Variants in USP49 observed in about 807,000 individuals in gnomAD.
USP49 encodes the protein ubiquitin specific peptidase 49.
USP49 carries 24 observed loss-of-function variants against 58.6 expected under a neutral mutation model. The observed-to-expected ratio is 0.41, with a 90% CI of 0.30 to 0.58. USP49 has a LOEUF of 0.58. Among genes scored for constraint, USP49 ranks in the 20% least tolerant of loss-of-function variants. The pLI is 0.30. For synonymous variants in USP49, 408 were observed against 365.1 expected (o/e 1.12, Z -1.34); for missense variants, 703 against 866.1 (o/e 0.81, Z 2.36).
At chr6:41,804,103 C>T in intron 4 of USP49, 93 bp from the exon 5 acceptor site, 1 of 1,122,816 alleles carries the variant, frequency 8.9e-7, no homozygotes, top group Non-Finnish European at 1.2e-6. Context: ...TTTATCAAAA[C>T]TAAGTGTATA....
rs1773138207 is a variant in USP49, at chr6:41,806,600, C to G, written c.384G>C (p.Leu128=). Residue 128 remains leucine, a synonymous_variant, in exon 4 of 8, where the codon CTG becomes CTC. Transcript: ENST00000682992. The surrounding 1 kb of genome is among the most constrained non-coding windows in gnomAD (Gnocchi z 5.9). ...RSMASGEDVV[L]PQRAPQGQPQ... The stretch of plus-strand genomic sequence containing the variant: ...GCTGTCCCTGAGGAGCGCGCTGCGG[C>G]AGGACCACGTCCTCACCCGAAGCCA... 1.2e-6 allele frequency: 2 copies of G among 1,607,532 alleles called. No individual in the cohort carries two copies. Among genetic ancestry groups the G allele is most frequent in the Non-Finnish European group, 1.7e-6 (2 of 1,178,228 alleles).
At chr6:41,817,180 T>A (rs541580290) in intron 3 of USP49, among the ~76,000 whole-genome samples, 1,646 of 129,240 alleles carry the variant, frequency 0.013, 30 homozygotes, top group Non-Finnish European at 0.021. Flanking sequence ...GACAGAGTCT[T>A]GCTCTGTCGC....
At chr6:41,852,831 A>G (rs1001744211) in intron 3 of USP49, among the ~76,000 whole-genome samples, 2 of 152,258 alleles carry the variant, frequency 1.3e-5, no homozygotes, top group Admixed American at 1.3e-4. Context: ...AATGTCCATC[A>G]ATGGATAAAC....
intron 3 of USP49, among the ~76,000 whole-genome samples, chr6:41,812,242 G>A (rs1773270211): frequency 6.6e-6 from 1 of 151,768 alleles, no homozygotes; most frequent in African/African-American, 2.4e-5. Context: ...ACCACGCCCG[G>A]CTAATTTTGT....
chr6:41,867,974 A>G (rs913941411), intron 3 of USP49, among the ~76,000 whole-genome samples: 2 of 152,242 alleles, frequency 1.3e-5, no homozygotes, highest in African/African-American at 2.4e-5. Flanking sequence ...ACAGGCAAAC[A>G]AAATCAAATA....
At chr6:41,807,113 T>G (rs949198806) in intron 3 of USP49, 102 bp from the exon 4 acceptor site, 2 of 1,186,170 alleles carry the variant, frequency 1.7e-6, no homozygotes, top group Non-Finnish European at 2.2e-6. Context: ...TTGCAATTGA[T>G]ATTTCAACTC....
chr6:41,828,790 G>T (rs1773585744), intron 3 of USP49, among the ~76,000 whole-genome samples: 1 of 151,344 alleles, frequency 6.6e-6, no homozygotes, highest in African/African-American at 2.5e-5. Flanking sequence ...AGGTAATAAA[G>T]GTACTTGCCA....
At chr6:41,817,054 G>A (rs1255267716) in intron 3 of USP49, among the ~76,000 whole-genome samples, 1 of 150,352 alleles carries the variant, frequency 6.7e-6, no homozygotes, top group African/African-American at 2.5e-5. Flanking sequence ...TGCCTAGGCT[G>A]GACTCAAACT....
At chr6:41,838,326 C>G (rs756156407) in intron 3 of USP49, among the ~76,000 whole-genome samples, 24 of 152,166 alleles carry the variant, frequency 1.6e-4, no homozygotes, top group Non-Finnish European at 2.6e-4. Context: ...GAGAGCCAGC[C>G]CACCAAACAT....
rs533056795 is a variant in USP49, at chr6:41,853,174, G to A, written c.-29+18390C>T. Among the ~76,000 whole-genome samples the A allele has an allele frequency of 7.9e-5, 12 of 152,134 alleles. No homozygotes were observed. In the Middle Eastern group the frequency reaches 0.014, roughly 172 times the overall value. The stretch of plus-strand genomic sequence containing the variant: ...GCACTCCAGCCTGGGCAACAAGAGC[G>A]AAACTCCATCTCAAAAAAAAAGAGC... On this transcript the variant is annotated intron_variant, in intron 3 of 7. Coordinates refer to ENST00000682992, the MANE Select transcript of USP49 (RefSeq NM_001286554.2).
At position 41,793,243 on chromosome 6, in the gene USP49, CTTTTT is replaced by C. The variant is rs945007745; in HGVS notation, c.*3285_*3289del. ...ACATTTTAAGAGACATCTGGAAATT[CTTTTT>C]TTTTTTTTGTTTTTGTTTTTGTTTT... On this transcript the variant is annotated 3_prime_UTR_variant, in exon 8 of 8. Transcript: ENST00000682992. 159 of 151,750 alleles carry C rather than the reference CTTTTT, an allele frequency of 1.0e-3. No homozygotes were observed. Among genetic ancestry groups the C allele is most frequent in the African/African-American group, 3.3e-3 (132 of 40,322 alleles). The allele number at this position is 151,750 out of a possible 1,614,324, so 9.4% of individuals were successfully genotyped here.
chr6:41,863,438 T>A (rs1774257813), intron 3 of USP49, among the ~76,000 whole-genome samples: 1 of 152,230 alleles, frequency 6.6e-6, no homozygotes, highest in African/African-American at 2.4e-5. Context: ...TTTTAATTGC[T>A]AGTGGATCTT....
intron 3 of USP49, among the ~76,000 whole-genome samples, chr6:41,870,221 A>G (rs1164911868): frequency 3.9e-5 from 6 of 152,230 alleles, no homozygotes; most frequent in Non-Finnish European, 8.8e-5. Flanking sequence ...TAACTAATCA[A>G]TTGCTAAGAG....
chr6:41,864,121 A>T (rs771004014), intron 3 of USP49, among the ~76,000 whole-genome samples: 2 of 152,194 alleles, frequency 1.3e-5, no homozygotes, highest in African/African-American at 4.8e-5. Flanking sequence ...CCAAATGTCT[A>T]ACACAATTCT....
rs984987757 is a variant in USP49 at position 41,791,971 on chromosome 6, C to A, written c.*4562G>T. On this transcript the variant is annotated 3_prime_UTR_variant, in exon 8 of 8. Coordinates refer to ENST00000682992, the MANE Select transcript of USP49 (RefSeq NM_001286554.2). Reference sequence around the variant, plus strand: ...ATACAACTTCTTCACTTATTTAGTTCAGTAATGAGGCTGAGGGACCCAATT... The same window carrying A: ...ATACAACTTCTTCACTTATTTAGTTAAGTAATGAGGCTGAGGGACCCAATT... 1.3e-5 allele frequency: 2 copies of A among 152,196 alleles called. No individual in the cohort carries two copies. Among genetic ancestry groups the A allele is most frequent in the Admixed American group, 6.5e-5 (1 of 15,286 alleles). The allele number at this position is 152,196 out of a possible 1,614,324, so 9.4% of individuals were successfully genotyped here.
intron 2 of USP49, among the ~76,000 whole-genome samples, chr6:41,873,850 G>A (rs913387548): frequency 1.3e-5 from 2 of 152,168 alleles, no homozygotes; most frequent in Non-Finnish European, 2.9e-5. Context: ...TAATAAATCA[G>A]CTCAATGCTG....
intron 2 of USP49, among the ~76,000 whole-genome samples, chr6:41,889,868 C>T (rs116392806): frequency 0.056 from 8,523 of 151,996 alleles, 422 homozygotes; most frequent in Admixed American, 0.12. Context: ...GCAAATGGGG[C>T]AAAATGAAAA....
intron 4 of USP49, 70 bp from the exon 5 acceptor site, chr6:41,804,080 A>C: frequency 7.1e-7 from 1 of 1,405,240 alleles, no homozygotes; most frequent in Non-Finnish European, 9.8e-7. Context: ...TACTTGCTTC[A>C]TAAAAGACAC....
chr6:41,888,672 C>G (rs1023084518), intron 2 of USP49, among the ~76,000 whole-genome samples: 2 of 151,924 alleles, frequency 1.3e-5, no homozygotes, highest in African/African-American at 2.4e-5. Flanking sequence ...AGGCTGATCT[C>G]GAACTCCTGA....
Sources: gnomAD v4.1 joint callset for allele counts (sites outside exome capture counted in the v4.1 genomes callset) on GRCh38, gnomAD v4.1.1 for gene constraint, Gnocchi (gnomAD v3.1) non-coding constraint, MANE v1.5 for transcripts, NCBI Gene and HGNC (gene_info 2026-07-23, HGNC 2026-07-21) for gene names.